Variants in ARHGAP21 observed in about 807,000 individuals in gnomAD.
The protein encoded by ARHGAP21 is rho GTPase-activating protein 21.
A neutral mutation model predicts 164.6 loss-of-function variants in ARHGAP21; 38 were observed. The observed-to-expected ratio is 0.23, with a 90% CI of 0.18 to 0.30. The LOEUF (loss-of-function observed/expected upper bound fraction) is 0.30, where lower values mean the gene tolerates loss of function less well. ARHGAP21 is among the 10% of genes least tolerant of loss of function. The pLI, the probability that ARHGAP21 is intolerant of heterozygous loss-of-function variation, is 1.00. For synonymous variants in ARHGAP21, 766 were observed against 857.9 expected (o/e 0.89, Z 1.87); for missense variants, 1,822 against 2,370.7 (o/e 0.77, Z 4.81).
intron 9 of ARHGAP21, among the ~76,000 whole-genome samples, chr10:24,617,729 T>C (rs1302215569): frequency 6.6e-6 from 1 of 151,826 alleles, no homozygotes; most frequent in Non-Finnish European, 1.5e-5. Flanking sequence ...ATTGATAGCT[T>C]TAAAAATGTT....
intron 2 of ARHGAP21, among the ~76,000 whole-genome samples, chr10:24,711,562 T>C (rs1166396413): frequency 2.0e-5 from 3 of 152,156 alleles, no homozygotes; most frequent in Admixed American, 6.5e-5. Context: ...AGAATCAACA[T>C]GGAAATCTCC....
intron 12 of ARHGAP21, 67 bp from the exon 13 acceptor site, chr10:24,602,170 A>G (rs2076840147): frequency 1.3e-6 from 2 of 1,525,804 alleles, no homozygotes; most frequent in Admixed American, 2.2e-5. Context: ...GCACATGGAA[A>G]CTGCTTTGTG....
intron 7 of ARHGAP21, among the ~76,000 whole-genome samples, chr10:24,628,598 T>C (rs780951289): frequency 1.1e-4 from 16 of 152,074 alleles, no homozygotes; most frequent in Non-Finnish European, 1.8e-4. Flanking sequence ...AAAAACCCAA[T>C]TGTTTACCAA....
chr10:24,646,880 A>G (rs891476038), intron 4 of ARHGAP21, among the ~76,000 whole-genome samples: 5 of 152,140 alleles, frequency 3.3e-5, no homozygotes, highest in Admixed American at 1.3e-4. Flanking sequence ...ATTAATTTAG[A>G]AAAAAAAGCT....
chr10:24,684,148 G>A (rs1409620789), intron 2 of ARHGAP21, among the ~76,000 whole-genome samples: 1 of 152,064 alleles, frequency 6.6e-6, no homozygotes, highest in African/African-American at 2.4e-5. Context: ...TTAGCTGGGC[G>A]TGGTGGTGCA....
chr10:24,649,454 G>GC (rs1837935101), intron 4 of ARHGAP21, among the ~76,000 whole-genome samples: 1 of 152,010 alleles, frequency 6.6e-6, no homozygotes. Flanking sequence ...TACAAATAAT[G>GC]CCCCCACCAA....
Position 24,604,223 on chromosome 10 carries a change from A to G in ARHGAP21, c.2721+89T>C, listed in dbSNP as rs907425222. The stretch of plus-strand genomic sequence containing the variant: ...CATACTTACAGAATAAAAGATTATA[A>G]TATTTAAATATTAAATGTCTACTGG... On this transcript the variant is annotated intron_variant, in intron 12 of 25. Transcript: ENST00000396432. 2.3e-4 allele frequency: 197 copies of G among 870,544 alleles called. 2 individuals are homozygous for G. Among genetic ancestry groups the G allele is most frequent in the Middle Eastern group, 7.6e-4 (2 of 2,636 alleles). The allele number at this position is 870,544 out of a possible 1,614,324, so 53.9% of individuals were successfully genotyped here.
At chr10:24,627,414 A>G (rs1337394440) in intron 7 of ARHGAP21, among the ~76,000 whole-genome samples, 1 of 152,190 alleles carries the variant, frequency 6.6e-6, no homozygotes, top group Non-Finnish European at 1.5e-5. Context: ...ACAGAAAATT[A>G]TATATTCCTT....
intron 4 of ARHGAP21, among the ~76,000 whole-genome samples, chr10:24,654,161 G>A (rs1330085167): frequency 2.0e-5 from 3 of 152,130 alleles, no homozygotes; most frequent in African/African-American, 4.8e-5. Flanking sequence ...CAAACCCACA[G>A]CCAATATCAT....
chr10:24,604,434 T>C (rs1423122683), intron 11 of ARHGAP21, 86 bp from the exon 12 acceptor site: 3 of 893,508 alleles, frequency 3.4e-6, no homozygotes, highest in East Asian at 2.8e-5. Context: ...TTACAATTAC[T>C]CTTTCAATAA....
chr10:24,716,317 G>A (rs190411201), intron 2 of ARHGAP21, among the ~76,000 whole-genome samples: 5 of 152,354 alleles, frequency 3.3e-5, no homozygotes, highest in East Asian at 1.9e-4. Flanking sequence ...GCATGGCACA[G>A]GGAGCAGGGG....
At chr10:24,628,896 T>TATATAC in intron 7 of ARHGAP21, 1 of 90,458 alleles carries the variant, frequency 1.1e-5, no homozygotes, top group Non-Finnish European at 2.2e-5. Flanking sequence ...TATATATACA[T>TATATAC]ACATATATAC....
intron 2 of ARHGAP21, among the ~76,000 whole-genome samples, chr10:24,690,742 C>T (rs550869532): frequency 6.6e-6 from 1 of 151,872 alleles, no homozygotes; most frequent in African/African-American, 2.4e-5. Context: ...GCAAAAGAAT[C>T]GCTTGAACCC....
chr10:24,690,857 C>CAT (rs1220183578), intron 2 of ARHGAP21, among the ~76,000 whole-genome samples: 21 of 150,116 alleles, frequency 1.4e-4, no homozygotes, highest in Admixed American at 2.0e-4. Context: ...TATATATACA[C>CAT]ATATATATAT....
At chr10:24,674,044 AT>A (rs1251835035) in intron 2 of ARHGAP21, among the ~76,000 whole-genome samples, 1 of 152,098 alleles carries the variant, frequency 6.6e-6, no homozygotes, top group South Asian at 2.1e-4. Context: ...CATACAATGA[AT>A]TTTTTTTAAA....
intron 19 of ARHGAP21, 23 bp downstream of exon 19, chr10:24,595,694 A>G: frequency 2.5e-6 from 4 of 1,592,374 alleles, no homozygotes; most frequent in Non-Finnish European, 3.4e-6. Context: ...TTCATCTGGT[A>G]TCTTTCACGG....
intron 2 of ARHGAP21, among the ~76,000 whole-genome samples, chr10:24,687,104 T>G (rs146323984): frequency 2.1e-4 from 24 of 112,266 alleles, no homozygotes; most frequent in African/African-American, 9.3e-4. Flanking sequence ...TAGTCCAAGC[T>G]ACTCAGGAGG....
At chr10:24,703,758 A>G (rs745318092) in intron 2 of ARHGAP21, among the ~76,000 whole-genome samples, 1 of 151,848 alleles carries the variant, frequency 6.6e-6, no homozygotes, top group Non-Finnish European at 1.5e-5. Context: ...TCTCTCACCC[A>G]TACTTCTTTC....
intron 9 of ARHGAP21, 111 bp downstream of exon 9, chr10:24,619,362 T>C: frequency 9.1e-7 from 1 of 1,101,934 alleles, no homozygotes; most frequent in Non-Finnish European, 1.3e-6. Context: ...ACTAGAAACA[T>C]TTTAAAATCA....
Sources: gnomAD v4.1 joint callset for allele counts (sites outside exome capture counted in the v4.1 genomes callset) on GRCh38, gnomAD v4.1.1 for gene constraint, MANE v1.5 for transcripts, NCBI Gene and HGNC (gene_info 2026-07-23, HGNC 2026-07-21) for gene names.